NCKAP5: variants seen among roughly 807,000 people sequenced by gnomAD.
NCKAP5 encodes the protein NCK associated protein 5.
In NCKAP5, 92 loss-of-function variants were observed where a neutral mutation model predicts 167.0. The observed-to-expected ratio is 0.55, with a 90% confidence interval of 0.47 to 0.66. NCKAP5 has a LOEUF of 0.66. NCKAP5 is among the 30% of genes least tolerant of loss of function. The pLI is 0.00. For synonymous variants in NCKAP5, 891 were observed against 877.4 expected, an observed-to-expected ratio of 1.02 and a Z score of -0.27; for missense variants, 2,378 against 2,315.0, an observed-to-expected ratio of 1.03 and a Z score of -0.56.
chr2:132,988,030 T>C (rs2077339885), intron 7 of NCKAP5, among the ~76,000 whole-genome samples: 1 of 152,168 alleles, frequency 6.6e-6, no homozygotes, highest in South Asian at 2.1e-4. Flanking sequence ...TGTTAGATAG[T>C]ATTAATTAGG....
chr2:133,660,478 G>T, the NCKAP5 span, among the ~76,000 whole-genome samples: 1 of 152,038 alleles, frequency 6.6e-6, no homozygotes, highest in Admixed American at 6.6e-5. Flanking sequence ...CTATCTCGGG[G>T]TGATGGGATT....
At chr2:133,197,429 C>A (rs2085486155) in intron 5 of NCKAP5, among the ~76,000 whole-genome samples, 1 of 152,086 alleles carries the variant, frequency 6.6e-6, no homozygotes, top group African/African-American at 2.4e-5. Flanking sequence ...TAAAACAAAA[C>A]AAATCAACAT....
intron 15 of NCKAP5, among the ~76,000 whole-genome samples, chr2:132,775,593 A>G (rs1387173103): frequency 6.6e-6 from 1 of 152,250 alleles, no homozygotes; most frequent in Non-Finnish European, 1.5e-5. Context: ...ACCGTGTTCT[A>G]GCAGCACATA....
chr2:133,125,525 C>T (rs2217748), intron 6 of NCKAP5, among the ~76,000 whole-genome samples: 26,250 of 151,982 alleles, frequency 0.17, 2,811 homozygotes, highest in East Asian at 0.37. Context: ...ACAAAGCTAA[C>T]CCCTCATAAA....
At chr2:132,858,148 T>C (rs1689614470) in intron 11 of NCKAP5, among the ~76,000 whole-genome samples, 1 of 152,116 alleles carries the variant, frequency 6.6e-6, no homozygotes, top group Non-Finnish European at 1.5e-5. Context: ...TACTTAGAAA[T>C]CTGCTATAAT....
chr2:133,072,171 GC>G (rs1257938896), intron 6 of NCKAP5, among the ~76,000 whole-genome samples: 3 of 150,474 alleles, frequency 2.0e-5, no homozygotes, highest in Non-Finnish European at 3.0e-5. Context: ...TACAACCTCT[GC>G]CTCCTCTGTT....
chr2:133,133,155 G>A (rs1276075703), intron 5 of NCKAP5, among the ~76,000 whole-genome samples: 1 of 152,182 alleles, frequency 6.6e-6, no homozygotes, highest in African/African-American at 2.4e-5. Flanking sequence ...AAGGCAATGA[G>A]AGATGGAGAA....
At chr2:132,748,615 G>A (rs965283878) in intron 16 of NCKAP5, among the ~76,000 whole-genome samples, 18 of 152,112 alleles carry the variant, frequency 1.2e-4, no homozygotes, top group Non-Finnish European at 1.6e-4. Flanking sequence ...AGCTCTTTGC[G>A]CTGCTCTGCA....
intron 6 of NCKAP5, among the ~76,000 whole-genome samples, chr2:133,105,216 G>GA (rs1230696384): frequency 6.6e-6 from 1 of 152,110 alleles, no homozygotes; most frequent in Non-Finnish European, 1.5e-5. Flanking sequence ...AATTGTTCAT[G>GA]AAAAAATGTA....
chr2:133,313,770 A>T (rs1002506448), intron 3 of NCKAP5, among the ~76,000 whole-genome samples: 1 of 152,198 alleles, frequency 6.6e-6, no homozygotes, highest in Non-Finnish European at 1.5e-5. Context: ...TCACCATAAA[A>T]ATACAAATGA....
At chr2:133,324,204 C>T (rs1363096403) in intron 3 of NCKAP5, among the ~76,000 whole-genome samples, 1 of 152,222 alleles carries the variant, frequency 6.6e-6, no homozygotes, top group Non-Finnish European at 1.5e-5. Flanking sequence ...ACCAGGCCTG[C>T]TGTGCAAACA....
the NCKAP5 span, among the ~76,000 whole-genome samples, chr2:133,647,530 AGGAAAGGAG>A: frequency 3.9e-4 from 44 of 112,560 alleles, no homozygotes; most frequent in African/African-American, 1.0e-3. Context: ...AGGAAAGGAA[AGGAAAGGAG>A]GGAGGGAGGG....
Position 133,229,237 on chromosome 2 carries a change from TTC to T in NCKAP5, c.144-15460_144-15459del, listed in dbSNP as rs970949791. The stretch of plus-strand genomic sequence containing the variant: ...CTGTCAAAACAGGCTACTGGAAACT[TTC>T]TGTTTATACATAAATAAATCTAAGT... On this transcript the variant is annotated intron_variant, in intron 4 of 19. Coordinates refer to ENST00000409261, the MANE Select transcript of NCKAP5 (RefSeq NM_207363.3). 1.3e-5 allele frequency among the ~76,000 whole-genome samples: 2 copies of T among 152,300 alleles called. 1 individual carries two copies. The highest frequency in any genetic ancestry group is 4.8e-5 in the African/African-American group (2 of 41,556).
At chr2:132,853,762 C>G (rs1028301369) in intron 11 of NCKAP5, among the ~76,000 whole-genome samples, 7 of 152,152 alleles carry the variant, frequency 4.6e-5, no homozygotes, top group African/African-American at 1.7e-4. Flanking sequence ...GAACCTATGT[C>G]TGCAGTCTCA....
At chr2:132,735,867 A>G (rs938592912) in intron 16 of NCKAP5, among the ~76,000 whole-genome samples, 1 of 152,214 alleles carries the variant, frequency 6.6e-6, no homozygotes, top group Non-Finnish European at 1.5e-5. Flanking sequence ...TTGGGGGTAG[A>G]AAAAATGTTG....
intron 8 of NCKAP5, among the ~76,000 whole-genome samples, chr2:132,932,797 C>A (rs1175571638): frequency 5.9e-5 from 9 of 152,068 alleles, no homozygotes; most frequent in Admixed American, 5.9e-4. Flanking sequence ...TACCAAAATT[C>A]ATTCTTAGTT....
Position 132,912,230 on chromosome 2 carries a change from T to C in NCKAP5, c.580-33314A>G, listed in dbSNP as rs896461651. ...AAGTGAGCCAAGCTCTCGCTCTCTG[T>C]GGCACAGTGCCCTTTGGGAAAAGTC... On this transcript the variant is annotated intron_variant, in intron 8 of 19. Coordinates refer to ENST00000409261, the MANE Select transcript of NCKAP5 (RefSeq NM_207363.3). 3.3e-5 allele frequency among the ~76,000 whole-genome samples: 5 copies of C among 152,172 alleles called. No individual in the cohort carries two copies. In the South Asian group the frequency reaches 1.0e-3, roughly 32 times the overall value.
intron 16 of NCKAP5, among the ~76,000 whole-genome samples, chr2:132,772,469 A>G (rs1030334079): frequency 2.6e-5 from 4 of 152,206 alleles, no homozygotes; most frequent in Admixed American, 6.5e-5. Flanking sequence ...TTCTCTTAGG[A>G]AAAATTCAGC....
intron 6 of NCKAP5, among the ~76,000 whole-genome samples, chr2:133,066,695 T>G (rs2080207507): frequency 6.6e-6 from 1 of 152,208 alleles, no homozygotes; most frequent in African/African-American, 2.4e-5. Flanking sequence ...TACTTTATAT[T>G]TATTTTGGTC....
Sources: allele counts gnomAD v4.1 joint callset (sites outside exome capture counted in the v4.1 genomes callset), GRCh38; gene constraint gnomAD v4.1.1; transcripts MANE v1.5; gene names NCBI Gene and HGNC (gene_info 2026-07-23, HGNC 2026-07-21).